Variants in ADAP1 observed in about 807,000 individuals in gnomAD.
ADAP1 encodes the protein arf-GAP with dual PH domain-containing protein 1.
A neutral mutation model predicts 54.9 loss-of-function variants in ADAP1; 31 were observed. The observed-to-expected ratio is 0.56, with a 90% CI of 0.42 to 0.76. ADAP1 has a LOEUF of 0.76. Among genes scored for constraint, ADAP1 ranks in the 30% least tolerant of loss-of-function variants. The pLI, the probability that ADAP1 is intolerant of heterozygous loss-of-function variation, is 0.00. For missense variants in ADAP1, 535 were observed against 512.4 expected (o/e 1.04, Z -0.42); for synonymous variants, 313 against 202.6 (o/e 1.55, Z -4.63).
chr7:924,268 A>G (rs60093709), intron 3 of ADAP1, among the ~76,000 whole-genome samples: 25 of 55,784 alleles, frequency 4.5e-4, no homozygotes, highest in Non-Finnish European at 6.7e-4. Flanking sequence ...CCAGGTCCAC[A>G]CTGCACCCCC....
chr7:914,337 C>T (rs577457334), intron 4 of ADAP1, among the ~76,000 whole-genome samples: 3 of 152,320 alleles, frequency 2.0e-5, no homozygotes, highest in South Asian at 2.1e-4. Flanking sequence ...TCCCTGTGGT[C>T]GTGAGGTGTC....
chr7:920,421 C>T lies in ADAP1; in HGVS notation c.306-371G>A, dbSNP rs113717663. 0.048 allele frequency among the ~76,000 whole-genome samples: 7,181 copies of T among 149,748 alleles called. 294 individuals are homozygous for T. Among genetic ancestry groups the T allele is most frequent in the African/African-American group, 0.097 (3,905 of 40,320 alleles). ...CCAGGCCCCCCCACCCCGAGTCACA[C>T]GCCCCTGGGCCCTCCCCGACCCTCC... is the stretch of plus-strand genomic sequence containing the variant. On this transcript the variant is annotated intron_variant, in intron 3 of 10. Transcript: ENST00000265846. The surrounding 1 kb of genome is among the most constrained non-coding windows in gnomAD (Gnocchi z 4.5).
At chr7:950,662 G>C (rs1847244895) in intron 1 of ADAP1, among the ~76,000 whole-genome samples, 1 of 151,578 alleles carries the variant, frequency 6.6e-6, no homozygotes, top group South Asian at 2.1e-4. Context: ...TTCAAGACCA[G>C]CCTGGCCAAC....
At chr7:906,798 G>GT (rs1845471992) in intron 4 of ADAP1, among the ~76,000 whole-genome samples, 4 of 75,220 alleles carry the variant, frequency 5.3e-5, no homozygotes, top group African/African-American at 2.2e-4. Context: ...GGACGGGACA[G>GT]GGGACATGGG....
At position 898,892 on chromosome 7, in the gene ADAP1, C is replaced by A; in HGVS notation, c.*29G>T. The stretch of plus-strand genomic sequence containing the variant: ...CCCCTCCGTCCAGCCACAGTGAGTC[C>A]AATGTCCGTGGTCCTCCAGCCGCAC... On this transcript the variant is annotated 3_prime_UTR_variant, in exon 11 of 11. Transcript: ENST00000265846. The A allele has an allele frequency of 6.3e-7, 1 of 1,583,250 alleles. No homozygotes were observed.
chr7:899,631 G>GC, intron 8 of ADAP1, 141 bp from the exon 9 acceptor site: 1 of 887,624 alleles, frequency 1.1e-6, no homozygotes, highest in Non-Finnish European at 1.7e-6. Flanking sequence ...CGCTGGCCAC[G>GC]CCCCACGAGG....
At chr7:900,698 A>AGGGGCTGGGGTCCCCACAGAG in intron 6 of ADAP1, 82 bp from the exon 7 acceptor site, 1 of 1,214,762 alleles carries the variant, frequency 8.2e-7, no homozygotes, top group Non-Finnish European at 1.2e-6. Flanking sequence ...GTCCCCACAG[A>AGGGGCTGGGGTCCCCACAGAG]GGGGCCGCTT....
intron 3 of ADAP1, among the ~76,000 whole-genome samples, chr7:922,277 A>C (rs1231968003): frequency 6.6e-6 from 1 of 152,128 alleles, no homozygotes; most frequent in African/African-American, 2.4e-5. Context: ...TCCAGGGCTC[A>C]GGGGAGCCAG....
At chr7:908,049 C>T (rs570259941) in intron 4 of ADAP1, among the ~76,000 whole-genome samples, 12 of 152,304 alleles carry the variant, frequency 7.9e-5, no homozygotes, top group Middle Eastern at 3.4e-3. Flanking sequence ...CTTCAGAGAG[C>T]ACTTGCTTGG....
intron 6 of ADAP1, 185 bp downstream of exon 6, chr7:903,941 C>T: frequency 2.8e-6 from 2 of 711,016 alleles, no homozygotes; most frequent in Non-Finnish European, 2.2e-6. Context: ...GCGCCAGTGC[C>T]CACACTCCCA....
intron 1 of ADAP1, among the ~76,000 whole-genome samples, chr7:936,339 C>T (rs760436219): frequency 6.6e-6 from 1 of 152,138 alleles, no homozygotes; most frequent in Non-Finnish European, 1.5e-5. Flanking sequence ...TAGCGAGGCA[C>T]GCACCACCAT....
In ADAP1 at chr7:926,346, C is replaced by G. The variant is rs1044314236; in HGVS notation, c.305+207G>C. Among the ~76,000 whole-genome samples the G allele has an allele frequency of 6.6e-6, 1 of 151,316 alleles. No homozygotes were observed. Among genetic ancestry groups the G allele is most frequent in the Non-Finnish European group, 1.5e-5 (1 of 67,738 alleles). On this transcript the variant is annotated intron_variant, in intron 3 of 10. Coordinates refer to ENST00000265846, the MANE Select transcript of ADAP1 (RefSeq NM_006869.4). This position sits in a 1 kb window ranked among gnomAD's most constrained non-coding sequence, Gnocchi z 4.6. ...ATGCACAATGACCTTCCCAGCCCCA[C>G]CCCAGCGCCCCCCGCCCCAGAACCA...
rs1472481727 is a variant in ADAP1, at chr7:920,240, C to G, written c.306-190G>C. On this transcript the variant is annotated intron_variant, in intron 3 of 10. Coordinates refer to ENST00000265846, the MANE Select transcript of ADAP1 (RefSeq NM_006869.4). The surrounding 1 kb of genome is among the most constrained non-coding windows in gnomAD (Gnocchi z 4.5). ...CCTCCTGCCCGGGACGCTTCTCACT[C>G]TGATATTAGTTTATTGGTTTCTTGT... Among the ~76,000 whole-genome samples, 1 of 152,140 alleles carries G rather than the reference C, an allele frequency of 6.6e-6. No homozygotes were observed. The highest frequency in any genetic ancestry group is 1.5e-5 in the Non-Finnish European group (1 of 68,010).
Position 899,130 on chromosome 7 carries a change from C to T in ADAP1, c.999G>A (p.Lys333=), listed in dbSNP as rs186866485. The change falls in exon 10 of 11, where the codon AAG becomes AAA. Residue 333 remains lysine, a synonymous_variant. Coordinates refer to ENST00000265846, the MANE Select transcript of ADAP1 (RefSeq NM_006869.4). ...ACTCCGTCTCGCAGGCAAACAGAAA[C>T]TTGCGGTCGGGCGTGACGATGGTGA... ...HGITIVTPDR[K]FLFACETESD... 5 of 1,610,030 alleles carry T rather than the reference C, an allele frequency of 3.1e-6. No individual in the cohort carries two copies. The highest frequency in any genetic ancestry group is 4.2e-6 in the Non-Finnish European group (5 of 1,179,956).
At chr7:900,064 C>T in intron 8 of ADAP1, 38 bp downstream of exon 8, 1 of 1,610,672 alleles carries the variant, frequency 6.2e-7, no homozygotes, top group Non-Finnish European at 8.5e-7. Context: ...CCATGGCGTA[C>T]CCCAGGCCAC....
Position 954,383 on chromosome 7 carries a change from G to T in ADAP1, c.82+13C>A. ...GACCCACCCGGCCCCGCGCCCACCC[G>T]GCCCACACCTACCCGGGGCGCCGCA... On this transcript the variant is annotated intron_variant, in intron 1 of 10. Transcript: ENST00000265846. 2.2e-6 allele frequency: 2 copies of T among 894,304 alleles called. No individual in the cohort carries two copies. Among genetic ancestry groups the T allele is most frequent in the South Asian group, 2.9e-5 (1 of 35,038 alleles). The allele number at this position is 894,304 out of a possible 1,614,324, so 55.4% of individuals were successfully genotyped here.
rs763799445 is a variant in ADAP1 at position 927,091 on chromosome 7, G to C, written c.214-447C>G. 3.7e-5 allele frequency: 48 copies of C among 1,303,740 alleles called. No individual in the cohort carries two copies. In the South Asian group the frequency reaches 5.7e-4, roughly 15 times the overall value. 80.8% of individuals were successfully genotyped at this position (1,303,740 alleles called of 1,614,324 possible). A position where few individuals can be genotyped will look rare whatever the true frequency, so the allele number is the denominator to read the frequency against. On this transcript the variant is annotated intron_variant, in intron 2 of 10. Transcript: ENST00000265846. The stretch of plus-strand genomic sequence containing the variant: ...GAGCCAACAGGCGCCAGACACGGGG[G>C]CCTGGAGATGGGCTGGTGAGCGAGA...
chr7:902,449 ACT>A (rs1461266710), intron 6 of ADAP1, among the ~76,000 whole-genome samples: 4 of 101,238 alleles, frequency 4.0e-5, no homozygotes, highest in African/African-American at 1.4e-4. Context: ...CAAGGGCGAA[ACT>A]CTGCCTCAAA....
chr7:918,716 T>TA (rs1846034626), intron 4 of ADAP1, among the ~76,000 whole-genome samples: 2 of 152,150 alleles, frequency 1.3e-5, no homozygotes, highest in South Asian at 4.1e-4. Context: ...TCCGTTTCCC[T>TA]GTCGACACGG....
Sources: allele counts gnomAD v4.1 joint callset (sites outside exome capture counted in the v4.1 genomes callset), GRCh38; gene constraint gnomAD v4.1.1; non-coding constraint Gnocchi (gnomAD v3.1); transcripts MANE v1.5; gene names NCBI Gene and HGNC (gene_info 2026-07-23, HGNC 2026-07-21).